The following PTPRK variants were observed in gnomAD, a reference collection of about 807,000 sequenced individuals.
PTPRK encodes protein tyrosine phosphatase receptor type K.
Under a neutral mutation model 178.0 loss-of-function variants are expected in PTPRK, and 75 were observed. The observed-to-expected ratio is 0.42, with a 90% CI of 0.35 to 0.51. The LOEUF is 0.51. PTPRK is among the 20% of genes least tolerant of loss of function. PTPRK has a pLI of 0.02. For missense variants in PTPRK, 1,441 were observed against 1,797.8 expected (o/e 0.80, Z 3.59); for synonymous variants, 637 against 620.6 (o/e 1.03, Z -0.39).
intron 2 of PTPRK, among the ~76,000 whole-genome samples, chr6:128,336,070 C>T (rs1349017561): frequency 1.3e-5 from 2 of 152,172 alleles, no homozygotes; most frequent in African/African-American, 4.8e-5. Flanking sequence ...TTGTAGCATA[C>T]AATTAATTCA....
At chr6:128,110,378 A>T (rs78947878) in intron 7 of PTPRK, among the ~76,000 whole-genome samples, 1,593 of 152,288 alleles carry the variant, frequency 0.01, 19 homozygotes, top group Non-Finnish European at 0.015. Context: ...AATGTGGAAA[A>T]GTTATCAATC....
intron 15 of PTPRK, among the ~76,000 whole-genome samples, chr6:128,002,554 C>T (rs114337065): frequency 0.017 from 2,528 of 151,876 alleles, 82 homozygotes; most frequent in African/African-American, 0.057. Context: ...AATTTTACAT[C>T]TGTAAAAGCG....
chr6:128,232,587 A>T (rs1033748037), intron 5 of PTPRK, among the ~76,000 whole-genome samples: 1 of 152,292 alleles, frequency 6.6e-6, no homozygotes, highest in Non-Finnish European at 1.5e-5. Flanking sequence ...GCTTCAAATC[A>T]TGTCATTATT....
chr6:128,379,099 G>A (rs1232283924), intron 2 of PTPRK, among the ~76,000 whole-genome samples: 1 of 152,012 alleles, frequency 6.6e-6, no homozygotes, highest in Non-Finnish European at 1.5e-5. Context: ...CTACTAGTCT[G>A]TCTAGTTTCT....
At chr6:128,368,399 A>T (rs1290331778) in intron 2 of PTPRK, among the ~76,000 whole-genome samples, 2 of 152,052 alleles carry the variant, frequency 1.3e-5, no homozygotes, top group Non-Finnish European at 2.9e-5. Context: ...GAAAAAAAAA[A>T]AACGTCAAAG....
At chr6:128,300,058 C>T (rs1245613323) in intron 3 of PTPRK, among the ~76,000 whole-genome samples, 3 of 152,094 alleles carry the variant, frequency 2.0e-5, no homozygotes, top group African/African-American at 7.2e-5. Flanking sequence ...AAAAAGTGGG[C>T]AAAGGACATG....
chr6:128,494,724 A>G (rs929002263), intron 1 of PTPRK, among the ~76,000 whole-genome samples: 2 of 152,250 alleles, frequency 1.3e-5, no homozygotes, highest in Admixed American at 6.5e-5. Flanking sequence ...AAGCATTTTA[A>G]AATCTGCCCA....
intron 1 of PTPRK, among the ~76,000 whole-genome samples, chr6:128,424,506 C>T (rs180990038): frequency 1.3e-5 from 2 of 152,292 alleles, no homozygotes; most frequent in East Asian, 3.9e-4. Flanking sequence ...AGAAGGATTC[C>T]TTCTCCTTTA....
intron 1 of PTPRK, among the ~76,000 whole-genome samples, chr6:128,471,154 T>C (rs1584875042): frequency 1.3e-5 from 2 of 152,158 alleles, no homozygotes. Context: ...GAGAAAATGA[T>C]AGTCATGGCC....
chr6:128,255,102 T>A (rs1817064673), intron 3 of PTPRK, among the ~76,000 whole-genome samples: 1 of 152,180 alleles, frequency 6.6e-6, no homozygotes, highest in Admixed American at 6.5e-5. Flanking sequence ...GTGATTCTCC[T>A]GCCTCAGCCT....
At chr6:128,212,291 T>C (rs1808341388) in intron 6 of PTPRK, among the ~76,000 whole-genome samples, 2 of 152,044 alleles carry the variant, frequency 1.3e-5, no homozygotes, top group African/African-American at 4.8e-5. Flanking sequence ...ACTTGCCTAT[T>C]ACCTCATTAA....
At chr6:128,081,735 C>T (rs1200338171) in intron 10 of PTPRK, among the ~76,000 whole-genome samples, 1 of 151,786 alleles carries the variant, frequency 6.6e-6, no homozygotes, top group Non-Finnish European at 1.5e-5. Context: ...TAAGAAAAAA[C>T]ATTATATAAA....
chr6:128,497,415 T>A lies in PTPRK; in HGVS notation c.100+22844A>T, dbSNP rs866787472. 5.3e-5 allele frequency among the ~76,000 whole-genome samples: 8 copies of A among 152,050 alleles called. No individual in the cohort carries two copies. In the South Asian group the frequency reaches 1.0e-3, roughly 20 times the overall value. On this transcript the variant is annotated intron_variant, in intron 1 of 29. Coordinates refer to ENST00000368226, the MANE Select transcript of PTPRK (RefSeq NM_002844.4). ...CCTTGAGCCCAGGAGTTTGAGACCA[T>A]CCTGGGCAACATAGGGAGACCCTGT...
chr6:128,190,377 T>A (rs962695254), intron 6 of PTPRK, among the ~76,000 whole-genome samples: 6 of 152,134 alleles, frequency 3.9e-5, no homozygotes, highest in African/African-American at 1.4e-4. Context: ...ATAAATTTTT[T>A]AATCTAAATT....
chr6:128,125,602 C>CTTTTTTTTT (rs869038931), intron 7 of PTPRK, among the ~76,000 whole-genome samples: 3 of 68,334 alleles, frequency 4.4e-5, no homozygotes, highest in African/African-American at 6.1e-5. Context: ...TTGGGCTTTT[C>CTTTTTTTTT]TTTTTTTTTT....
chr6:128,233,081 CT>C (rs984767553), intron 5 of PTPRK, among the ~76,000 whole-genome samples: 2 of 152,150 alleles, frequency 1.3e-5, no homozygotes, highest in East Asian at 1.9e-4. Context: ...GGAAAATTAT[CT>C]TTTTTTTCCT....
At chr6:128,095,476 C>T (rs1787758910) in intron 7 of PTPRK, among the ~76,000 whole-genome samples, 1 of 152,022 alleles carries the variant, frequency 6.6e-6, no homozygotes, top group Admixed American at 6.6e-5. Flanking sequence ...TTTTTAGTTT[C>T]TGTTTCTAGT....
chr6:128,220,632 G>A (rs962319968), intron 5 of PTPRK, among the ~76,000 whole-genome samples: 1 of 152,090 alleles, frequency 6.6e-6, no homozygotes, highest in East Asian at 1.9e-4. Flanking sequence ...TCAGGACCCG[G>A]CAATTCTACT....
At chr6:127,970,957 T>C (rs1333788979) in intron 29 of PTPRK, among the ~76,000 whole-genome samples, 1 of 151,406 alleles carries the variant, frequency 6.6e-6, no homozygotes, top group Admixed American at 6.6e-5. Flanking sequence ...GATGATTTCC[T>C]TGAGAAAAAA....
Sources: allele counts gnomAD v4.1 joint callset (sites outside exome capture counted in the v4.1 genomes callset), GRCh38; gene constraint gnomAD v4.1.1; transcripts MANE v1.5; gene names NCBI Gene and HGNC (gene_info 2026-07-23, HGNC 2026-07-21).